The following MATCAP2 variants were observed in gnomAD, a reference collection of about 807,000 sequenced individuals.
MATCAP2 encodes putative tyrosine carboxypeptidase MATCAP2.
chr7:36,389,769 A>G, the MATCAP2 span: 3 of 492,462 alleles, frequency 6.1e-6, no homozygotes, highest in Non-Finnish European at 6.7e-6. Flanking sequence ...CACGTGACCG[A>G]GCGCAGGGGC....
At chr7:36,326,587 G>A in the MATCAP2 span, 1 of 447,040 alleles carries the variant, frequency 2.2e-6, no homozygotes. Context: ...AAACATTTTA[G>A]GGAAATAGTT....
chr7:36,362,785 T>G, the MATCAP2 span, among the ~76,000 whole-genome samples: 1 of 152,208 alleles, frequency 6.6e-6, no homozygotes, highest in Non-Finnish European at 1.5e-5. Context: ...ATCCCTCTCT[T>G]TGTTAGATTA....
chr7:36,324,282 C>T, the MATCAP2 span: 6 of 152,100 alleles, frequency 3.9e-5, no homozygotes, highest in Non-Finnish European at 5.9e-5. Context: ...CAAAGATATA[C>T]AAAACAAACA....
chr7:36,342,036 T>C, the MATCAP2 span, among the ~76,000 whole-genome samples: 1 of 152,236 alleles, frequency 6.6e-6, no homozygotes, highest in East Asian at 1.9e-4. Context: ...CAACTTTTGT[T>C]TTTAGCAGAA....
At chr7:36,378,428 GCAGAACAGCAAA>G in the MATCAP2 span, among the ~76,000 whole-genome samples, 1 of 152,214 alleles carries the variant, frequency 6.6e-6, no homozygotes, top group African/African-American at 2.4e-5. Flanking sequence ...AGCAAATATT[GCAGAACAGCAAA>G]TATTGCTGCC....
the MATCAP2 span, chr7:36,389,993 G>T: frequency 6.2e-7 from 1 of 1,614,100 alleles, no homozygotes; most frequent in Non-Finnish European, 8.5e-7. Flanking sequence ...TTGAACCACC[G>T]TTTCCATCGT....
chr7:36,366,152 T>C, the MATCAP2 span, among the ~76,000 whole-genome samples: 1 of 152,246 alleles, frequency 6.6e-6, no homozygotes, highest in Non-Finnish European at 1.5e-5. Context: ...TTTACTCCGT[T>C]GTTCTTCGTC....
chr7:36,384,823 TA>T, the MATCAP2 span, among the ~76,000 whole-genome samples: 1 of 151,214 alleles, frequency 6.6e-6, no homozygotes, highest in Non-Finnish European at 1.5e-5. Flanking sequence ...GGCATTTTTT[TA>T]TGACCAGAAA....
the MATCAP2 span, chr7:36,325,518 T>C: frequency 6.6e-6 from 1 of 152,224 alleles, no homozygotes; most frequent in Admixed American, 6.5e-5. Context: ...AGCACCATTA[T>C]TTAAGCCTGC....
At chr7:36,335,057 C>T in the MATCAP2 span, 1 of 1,612,832 alleles carries the variant, frequency 6.2e-7, no homozygotes, top group East Asian at 2.2e-5. Context: ...TATTTCATGC[C>T]TCAGCATTCC....
chr7:36,357,817 A>C, the MATCAP2 span, among the ~76,000 whole-genome samples: 2 of 152,254 alleles, frequency 1.3e-5, no homozygotes, highest in Non-Finnish European at 2.9e-5. Context: ...TTATCTAAAA[A>C]ATCCTCAGCT....
At chr7:36,349,294 G>T in the MATCAP2 span, among the ~76,000 whole-genome samples, 2 of 152,280 alleles carry the variant, frequency 1.3e-5, no homozygotes, top group African/African-American at 2.4e-5. Context: ...TCTGTAACGT[G>T]AACTGCAGAC....
the MATCAP2 span, among the ~76,000 whole-genome samples, chr7:36,364,974 G>A: frequency 6.6e-6 from 1 of 152,126 alleles, no homozygotes; most frequent in South Asian, 2.1e-4. Flanking sequence ...CTCAGGGTTT[G>A]CAAACATACA....
chr7:36,382,940 A>T, the MATCAP2 span, among the ~76,000 whole-genome samples: 12 of 152,328 alleles, frequency 7.9e-5, no homozygotes, highest in East Asian at 9.6e-4. Context: ...ATCCTTATTA[A>T]CCACGTGAGA....
the MATCAP2 span, among the ~76,000 whole-genome samples, chr7:36,348,855 G>C: frequency 5.3e-5 from 8 of 152,234 alleles, no homozygotes; most frequent in Non-Finnish European, 7.3e-5. Context: ...AAGTGAAATA[G>C]AGCTTGATTT....
the MATCAP2 span, among the ~76,000 whole-genome samples, chr7:36,361,337 TTCATAGTAATCAGGAGGTC>T: frequency 6.6e-6 from 1 of 152,122 alleles, no homozygotes; most frequent in Non-Finnish European, 1.5e-5. Flanking sequence ...TAGGTGAGGT[TTCATAGTAATCAGGAGGTC>T]TCTGGCTGAA....
chr7:36,356,873 GAA>G, the MATCAP2 span: 4 of 1,546,178 alleles, frequency 2.6e-6, no homozygotes, highest in Non-Finnish European at 3.6e-6. Flanking sequence ...ACATAAAAAT[GAA>G]CTACCACTAT....
chr7:36,379,839 CACACACACAG>C, the MATCAP2 span, among the ~76,000 whole-genome samples: 56 of 131,502 alleles, frequency 4.3e-4, no homozygotes, highest in Admixed American at 1.6e-3. Flanking sequence ...CACACACACA[CACACACACAG>C]AGAGAGAGAG....
chr7:36,352,447 A>G, the MATCAP2 span, among the ~76,000 whole-genome samples: 2 of 151,046 alleles, frequency 1.3e-5, no homozygotes, highest in South Asian at 4.2e-4. Flanking sequence ...TTCTTTTTCA[A>G]CTCTTACTGC....
Sources: gnomAD v4.1 joint callset for allele counts (sites outside exome capture counted in the v4.1 genomes callset) on GRCh38, gnomAD v4.1.1 for gene constraint, MANE v1.5 for transcripts, NCBI Gene and HGNC (gene_info 2026-07-23, HGNC 2026-07-21) for gene names.